CSMD1: variants seen among roughly 807,000 people sequenced by gnomAD.
The protein encoded by CSMD1 is CUB and sushi domain-containing protein 1.
A neutral mutation model predicts 417.5 loss-of-function variants in CSMD1; 213 were observed. The ratio of observed to expected loss-of-function variants is 0.51; its 90% CI spans 0.46 to 0.57. CSMD1 has a LOEUF of 0.57. CSMD1 is among the 20% of genes least tolerant of loss of function. The pLI is 0.00. For synonymous variants in CSMD1, 2,862 were observed against 1,736.8 expected, an observed-to-expected ratio of 1.65 and a Z score of -16.11; for missense variants, 6,923 against 4,529.7, an observed-to-expected ratio of 1.53 and a Z score of -15.17.
intron 23 of CSMD1, among the ~76,000 whole-genome samples, chr8:3,335,262 A>G (rs1446303877): frequency 1.3e-5 from 2 of 152,022 alleles, no homozygotes; most frequent in African/African-American, 4.8e-5. Context: ...CACAGTTCCA[A>G]CCTCTCAGTC....
At chr8:4,184,785 C>G (rs944002335) in intron 3 of CSMD1, among the ~76,000 whole-genome samples, 2 of 132,544 alleles carry the variant, frequency 1.5e-5, no homozygotes, top group Admixed American at 7.7e-5. Flanking sequence ...TGTACCACAA[C>G]CTGTGACACA....
intron 3 of CSMD1, among the ~76,000 whole-genome samples, chr8:4,406,200 C>T (rs1437864082): frequency 6.6e-6 from 1 of 152,164 alleles, no homozygotes; most frequent in Non-Finnish European, 1.5e-5. Context: ...ACTGGCACCG[C>T]ATTCTACTGT....
At position 3,664,474 on chromosome 8, in the gene CSMD1, C is replaced by G. The variant is rs1033066710; in HGVS notation, c.1009+43940G>C. Among the ~76,000 whole-genome samples the G allele has an allele frequency of 4.3e-4, 66 of 152,156 alleles. 1 individual carries two copies. Among genetic ancestry groups the G allele is most frequent in the Admixed American group, 4.1e-3 (63 of 15,274 alleles). On this transcript the variant is annotated intron_variant, in intron 7 of 69. Transcript: ENST00000635120. Reference sequence around the variant, plus strand: ...AATTGCTCAGAAAGCATAGGCAGCTCAATGTTAATCATGCATAGAATATGT... The same window carrying G: ...AATTGCTCAGAAAGCATAGGCAGCTGAATGTTAATCATGCATAGAATATGT...
intron 3 of CSMD1, among the ~76,000 whole-genome samples, chr8:4,334,113 A>C (rs563451150): frequency 6.6e-5 from 10 of 152,132 alleles, no homozygotes; most frequent in African/African-American, 2.4e-4. Flanking sequence ...TACTGTGTTA[A>C]CCAAGCTGGT....
chr8:3,696,712 T>C (rs916243781), intron 7 of CSMD1, among the ~76,000 whole-genome samples: 8 of 152,190 alleles, frequency 5.3e-5, no homozygotes, highest in East Asian at 3.8e-4. Context: ...CAATTGTCCA[T>C]TTTAATCGTT....
At chr8:3,357,019 G>T (rs1439228054) in intron 21 of CSMD1, among the ~76,000 whole-genome samples, 1 of 152,092 alleles carries the variant, frequency 6.6e-6, no homozygotes, top group African/African-American at 2.4e-5. Context: ...AGCATCAGGG[G>T]GACTGCGGGG....
At chr8:3,544,137 T>G (rs1474785592) in intron 10 of CSMD1, among the ~76,000 whole-genome samples, 1 of 152,100 alleles carries the variant, frequency 6.6e-6, no homozygotes, top group Non-Finnish European at 1.5e-5. Flanking sequence ...GCCTGGGACG[T>G]GCTGGGCTGC....
intron 37 of CSMD1, among the ~76,000 whole-genome samples, chr8:3,177,784 G>T (rs556025897): frequency 6.6e-6 from 1 of 152,160 alleles, no homozygotes; most frequent in Non-Finnish European, 1.5e-5. Flanking sequence ...TTGTTGGCCA[G>T]CAGTAAGATC....
At chr8:3,642,963 G>C (rs1392987918) in intron 7 of CSMD1, among the ~76,000 whole-genome samples, 2 of 151,584 alleles carry the variant, frequency 1.3e-5, no homozygotes, top group Admixed American at 1.3e-4. Context: ...ATACAAATTA[G>C]GAAATTCAGG....
chr8:4,994,575 C>G lies in CSMD1; in HGVS notation c.-159G>C. 1.5e-6 allele frequency: 1 copy of G among 649,260 alleles called. No homozygotes were observed. The allele number at this position is 649,260 out of a possible 1,614,324, so 40.2% of individuals were successfully genotyped here. The stretch of plus-strand genomic sequence containing the variant: ...CCGACGCCTCCTGAAGGTCTGGGCG[C>G]CCGGCTCGCTTCCCTCTCATAGCAT... On this transcript the variant is annotated 5_prime_UTR_variant, in exon 1 of 70. Transcript: ENST00000635120.
At chr8:3,293,061 T>A (rs559748326) in intron 25 of CSMD1, among the ~76,000 whole-genome samples, 1 of 152,104 alleles carries the variant, frequency 6.6e-6, no homozygotes, top group East Asian at 1.9e-4. Context: ...GTGTGTAAAG[T>A]ATTTTATTTC....
At chr8:3,525,281 A>G (rs1465543155) in intron 10 of CSMD1, among the ~76,000 whole-genome samples, 1 of 152,170 alleles carries the variant, frequency 6.6e-6, no homozygotes, top group Non-Finnish European at 1.5e-5. Context: ...GGAACTTTCA[A>G]AGCAACAGAC....
chr8:4,600,815 T>C (rs957470337), intron 2 of CSMD1, among the ~76,000 whole-genome samples: 1 of 152,158 alleles, frequency 6.6e-6, no homozygotes, highest in African/African-American at 2.4e-5. Context: ...CTCTCAATCT[T>C]GACAAACTTA....
chr8:3,777,921 C>A (rs935404683), intron 5 of CSMD1, among the ~76,000 whole-genome samples: 7 of 151,018 alleles, frequency 4.6e-5, no homozygotes, highest in Non-Finnish European at 1.0e-4. Flanking sequence ...AGACCCGCAG[C>A]CTCCTTGAAG....
chr8:4,564,855 C>T (rs1349396266), intron 2 of CSMD1, among the ~76,000 whole-genome samples: 1 of 152,198 alleles, frequency 6.6e-6, no homozygotes, highest in Non-Finnish European at 1.5e-5. Context: ...TACTTTGCTG[C>T]TTACTATTTT....
At chr8:3,558,538 ACGG>A (rs1799299316) in intron 10 of CSMD1, among the ~76,000 whole-genome samples, 1 of 148,878 alleles carries the variant, frequency 6.7e-6, no homozygotes, top group Non-Finnish European at 1.5e-5. Context: ...CCAACGATGA[ACGG>A]TGTCTCAATG....
intron 3 of CSMD1, among the ~76,000 whole-genome samples, chr8:4,283,076 G>C (rs562597512): frequency 6.6e-6 from 1 of 152,102 alleles, no homozygotes; most frequent in East Asian, 1.9e-4. Context: ...TGTTTTTAAG[G>C]TCAACATCCT....
intron 2 of CSMD1, among the ~76,000 whole-genome samples, chr8:4,600,529 A>G (rs1054898521): frequency 9.2e-5 from 14 of 152,252 alleles, no homozygotes; most frequent in African/African-American, 3.4e-4. Context: ...TATGAAAATT[A>G]TAAATGAACA....
At chr8:3,630,880 T>C (rs1200021947) in intron 7 of CSMD1, among the ~76,000 whole-genome samples, 3 of 152,160 alleles carry the variant, frequency 2.0e-5, no homozygotes, top group Non-Finnish European at 2.9e-5. Flanking sequence ...GTCTGTTGGT[T>C]ATATGCATGT....
Sources: gnomAD v4.1 joint callset for allele counts (sites outside exome capture counted in the v4.1 genomes callset) on GRCh38, gnomAD v4.1.1 for gene constraint, MANE v1.5 for transcripts, NCBI Gene and HGNC (gene_info 2026-07-23, HGNC 2026-07-21) for gene names.